ARHGAP11B: variants seen among roughly 807,000 people sequenced by gnomAD.
ARHGAP11B encodes Rho GTPase activating protein 11B, also known as inactive Rho GTPase-activating protein 11B.
A neutral mutation model predicts 27.6 loss-of-function variants in ARHGAP11B; 14 were observed. The observed-to-expected ratio is 0.51, with a 90% CI of 0.34 to 0.79. The LOEUF (loss-of-function observed/expected upper bound fraction) is 0.79, where lower values mean the gene tolerates loss of function less well. Among genes scored for constraint, ARHGAP11B ranks in the 30% least tolerant of loss-of-function variants. ARHGAP11B has a pLI of 0.02. For synonymous variants in ARHGAP11B, 82 were observed against 114.1 expected (o/e 0.72, Z 1.80); for missense variants, 245 against 320.1 (o/e 0.77, Z 1.79).
At chr15:30,643,958 A>G (rs917998219) in intron 7 of ARHGAP11B, among the ~76,000 whole-genome samples, 4 of 152,002 alleles carry the variant, frequency 2.6e-5, no homozygotes, top group African/African-American at 9.7e-5. Context: ...CAAATTGTGC[A>G]CTTTCCAATT....
chr15:30,629,410 T>C (rs1380742120), intron 1 of ARHGAP11B, among the ~76,000 whole-genome samples: 3 of 151,884 alleles, frequency 2.0e-5, no homozygotes, highest in Non-Finnish European at 2.9e-5. Context: ...AAAAATTAGC[T>C]GGGCGTGGTG....
intron 8 of ARHGAP11B, among the ~76,000 whole-genome samples, chr15:30,645,165 A>T (rs1489095645): frequency 6.6e-6 from 1 of 151,880 alleles, no homozygotes; most frequent in African/African-American, 2.4e-5. Flanking sequence ...TAATTATTAC[A>T]TTTCTGTTGA....
At chr15:30,647,097 A>G (rs1192054606) in intron 9 of ARHGAP11B, among the ~76,000 whole-genome samples, 1 of 151,992 alleles carries the variant, frequency 6.6e-6, no homozygotes, top group Non-Finnish European at 1.5e-5. Flanking sequence ...GTAAACTGCA[A>G]GGTTTCTGCT....
At chr15:30,631,067 GT>G (rs2060242336) in intron 2 of ARHGAP11B, among the ~76,000 whole-genome samples, 1 of 151,394 alleles carries the variant, frequency 6.6e-6, no homozygotes, top group African/African-American at 2.4e-5. Flanking sequence ...TTTCAAACTG[GT>G]TTTAGAGAGT....
intron 7 of ARHGAP11B, among the ~76,000 whole-genome samples, chr15:30,643,225 T>C (rs2060325464): frequency 6.6e-6 from 1 of 151,872 alleles, no homozygotes; most frequent in Non-Finnish European, 1.5e-5. Context: ...TAGTCTTTCA[T>C]GGTTTTGTCA....
At chr15:30,627,015 C>T in intron 1 of ARHGAP11B, 66 bp downstream of exon 1, 2 of 1,601,744 alleles carry the variant, frequency 1.2e-6, no homozygotes, top group Non-Finnish European at 1.7e-6. Context: ...CACTTATTAG[C>T]AGATCGTGCT....
At chr15:30,641,302 G>A (rs1372819637) in intron 7 of ARHGAP11B, among the ~76,000 whole-genome samples, 1 of 150,716 alleles carries the variant, frequency 6.6e-6, no homozygotes, top group East Asian at 1.9e-4. Flanking sequence ...GACAACATTA[G>A]TCTGTAGTCC....
exon 5 of ARHGAP11B, chr15:30,635,164 G>C (rs545624544): frequency 6.2e-7 from 1 of 1,613,440 alleles, no homozygotes; most frequent in East Asian, 2.2e-5. Flanking sequence ...GACATGAAAA[G>C]ATGTCTTCTA....
chr15:30,626,746 T>C, exon 1 of ARHGAP11B: 2 of 1,525,974 alleles, frequency 1.3e-6, no homozygotes, highest in East Asian at 2.3e-5. Flanking sequence ...TTGAGAGCGT[T>C]TGGAAATTGG....
At chr15:30,627,451 A>G (rs2060217136) in intron 1 of ARHGAP11B, among the ~76,000 whole-genome samples, 1 of 152,068 alleles carries the variant, frequency 6.6e-6, no homozygotes, top group Admixed American at 6.6e-5. Context: ...TTTCTACATG[A>G]ATCTGTAGAT....
intron 2 of ARHGAP11B, among the ~76,000 whole-genome samples, chr15:30,632,738 G>A (rs1291121518): frequency 6.6e-6 from 1 of 151,600 alleles, no homozygotes; most frequent in Non-Finnish European, 1.5e-5. Context: ...CCCTTAATAT[G>A]AAAAGGCTTG....
chr15:30,629,413 G>A (rs2060230197), intron 1 of ARHGAP11B, among the ~76,000 whole-genome samples: 1 of 152,008 alleles, frequency 6.6e-6, no homozygotes, highest in African/African-American at 2.4e-5. Context: ...AATTAGCTGG[G>A]CGTGGTGGCG....
chr15:30,634,137 C>G, intron 3 of ARHGAP11B, 33 bp from the exon 4 acceptor site: 7 of 1,605,044 alleles, frequency 4.4e-6, no homozygotes, highest in Non-Finnish European at 5.1e-6. Flanking sequence ...TCTTAAGTTG[C>G]CAAAATACTC....
intron 7 of ARHGAP11B, chr15:30,644,534 T>C (rs999134124): frequency 6.7e-5 from 43 of 640,410 alleles, no homozygotes; most frequent in Non-Finnish European, 1.1e-4. Flanking sequence ...ATTTTACACA[T>C]TCTTTTTTTG....
intron 6 of ARHGAP11B, among the ~76,000 whole-genome samples, chr15:30,636,176 T>C (rs957207866): frequency 4.0e-5 from 6 of 151,716 alleles, no homozygotes; most frequent in African/African-American, 1.5e-4. Context: ...CATGATATGA[T>C]TTAAAAATTT....
At chr15:30,636,205 G>A (rs967124568) in intron 6 of ARHGAP11B, among the ~76,000 whole-genome samples, 2 of 151,950 alleles carry the variant, frequency 1.3e-5, no homozygotes, top group African/African-American at 4.8e-5. Context: ...TACCTGATTT[G>A]AAGAATTGAG....
intron 1 of ARHGAP11B, among the ~76,000 whole-genome samples, chr15:30,629,496 T>C (rs1261180683): frequency 6.6e-6 from 1 of 151,962 alleles, no homozygotes; most frequent in African/African-American, 2.4e-5. Context: ...GAGCTTGCAG[T>C]GAGCCGAGAT....
exon 3 of ARHGAP11B, chr15:30,633,570 G>A (rs776419726): frequency 7.4e-6 from 12 of 1,612,456 alleles, no homozygotes; most frequent in Middle Eastern, 1.6e-4. Flanking sequence ...TCTGTGATTC[G>A]CCTAAAAGCA....
chr15:30,635,630 G>C (rs1274840316), exon 6 of ARHGAP11B: 1 of 1,613,206 alleles, frequency 6.2e-7, no homozygotes, highest in African/African-American at 1.3e-5. Context: ...ACAACGTGTA[G>C]GAGGTAAGTG....
Sources: allele counts gnomAD v4.1 joint callset (sites outside exome capture counted in the v4.1 genomes callset), GRCh38; gene constraint gnomAD v4.1.1; transcripts MANE v1.5; gene names NCBI Gene and HGNC (gene_info 2026-07-23, HGNC 2026-07-21).